Variants in IQCH observed in about 807,000 individuals in gnomAD.
IQCH encodes IQ motif containing H.
Under a neutral mutation model 117.0 loss-of-function variants are expected in IQCH, and 98 were observed. The observed-to-expected ratio is 0.84, with a 90% confidence interval of 0.71 to 0.99. The LOEUF is 0.99. IQCH is among the 50% of genes least tolerant of loss of function. The probability of loss-of-function intolerance (pLI) is 0.00; values close to 1 mark genes in which losing one functional copy is unlikely to be tolerated. For missense variants in IQCH, 1,102 were observed against 1,243.8 expected (o/e 0.89, Z 1.72); for synonymous variants, 412 against 448.2 (o/e 0.92, Z 1.02).
chr15:67,455,872 C>T (rs924837473), intron 16 of IQCH, among the ~76,000 whole-genome samples: 1 of 152,186 alleles, frequency 6.6e-6, no homozygotes, highest in Non-Finnish European at 1.5e-5. Context: ...TATACAATTA[C>T]TAGTCCTAGA....
In IQCH at chr15:67,416,844, T is replaced by C; in HGVS notation, c.2098-87T>C. 1.8e-6 allele frequency: 2 copies of C among 1,135,572 alleles called. No homozygotes were observed. Among genetic ancestry groups the C allele is most frequent in the East Asian group, 6.0e-5 (2 of 33,148 alleles). The allele number at this position is 1,135,572 out of a possible 1,614,324, so 70.3% of individuals were successfully genotyped here. On this transcript the variant is annotated intron_variant, in intron 14 of 20. Coordinates refer to ENST00000335894, the MANE Select transcript of IQCH (RefSeq NM_001031715.3). The surrounding 1 kb of genome is among the most constrained non-coding windows in gnomAD (Gnocchi z 5.1). ...ACAGTAACCACATTTTTTTTGCCTGTTGGAGGCCTGGTTTTTAATCACTCC... is the reference window on the plus strand; with the variant it reads ...ACAGTAACCACATTTTTTTTGCCTGCTGGAGGCCTGGTTTTTAATCACTCC...
intron 14 of IQCH, among the ~76,000 whole-genome samples, chr15:67,409,776 T>C (rs16950906): frequency 0.014 from 2,142 of 152,348 alleles, 59 homozygotes; most frequent in African/African-American, 0.049. Context: ...CAATTTTACA[T>C]ACCAAAAACA....
chr15:67,273,568 TC>T (rs1460869166), intron 3 of IQCH, among the ~76,000 whole-genome samples: 1 of 152,192 alleles, frequency 6.6e-6, no homozygotes, highest in African/African-American at 2.4e-5. Flanking sequence ...TTAAGTCCAT[TC>T]CCCATACATT....
intron 8 of IQCH, chr15:67,371,456 C>T (rs911551863): frequency 1.3e-6 from 2 of 1,545,152 alleles, no homozygotes; most frequent in Non-Finnish European, 1.7e-6. Flanking sequence ...CCTGGGACAG[C>T]CCCAGATATG....
chr15:67,396,365 G>A (rs1971469900), intron 13 of IQCH, among the ~76,000 whole-genome samples: 1 of 151,936 alleles, frequency 6.6e-6, no homozygotes, highest in South Asian at 2.1e-4. Context: ...ACAGCTCCAG[G>A]AATAAAACTG....
At chr15:67,283,319 G>A (rs1016589945) in intron 4 of IQCH, among the ~76,000 whole-genome samples, 12 of 152,152 alleles carry the variant, frequency 7.9e-5, no homozygotes, top group South Asian at 6.2e-4. Flanking sequence ...GTACAAGTAC[G>A]TATGCAGATA....
At position 67,474,842 on chromosome 15, in the gene IQCH, G is replaced by C. The variant is rs1451970206; in HGVS notation, c.2677-854G>C. 6.6e-6 allele frequency among the ~76,000 whole-genome samples: 1 copy of C among 152,206 alleles called. No homozygotes were observed. Among genetic ancestry groups the C allele is most frequent in the Non-Finnish European group, 1.5e-5 (1 of 68,034 alleles). ...TAAAGGTTAACATCATCAGTGATAA[G>C]TCACACTGATACCATCTATCTACCC... On this transcript the variant is annotated intron_variant, in intron 17 of 20. Coordinates refer to ENST00000335894, the MANE Select transcript of IQCH (RefSeq NM_001031715.3). This position sits in a 1 kb window ranked among gnomAD's most constrained non-coding sequence, Gnocchi z 4.1.
At chr15:67,346,738 C>CA (rs1220730442) in intron 6 of IQCH, among the ~76,000 whole-genome samples, 1 of 152,156 alleles carries the variant, frequency 6.6e-6, no homozygotes, top group Non-Finnish European at 1.5e-5. Context: ...CATTAAAACA[C>CA]AACAGAACAT....
chr15:67,340,426 C>CAAAAAAAAAAAAAAAAAAAA lies in IQCH; in HGVS notation c.508+3350_508+3369dup, dbSNP rs57244130. Among the ~76,000 whole-genome samples, 11 of 62,658 alleles carry CAAAAAAAAAAAAAAAAAAAA rather than the reference C, an allele frequency of 1.8e-4. 2 individuals carry two copies. The highest frequency in any genetic ancestry group is 3.9e-4 in the African/African-American group (6 of 15,444). 41.1% of individuals were successfully genotyped at this position (62,658 alleles called of 152,430 possible). On this transcript the variant is annotated intron_variant, in intron 5 of 20. Transcript: ENST00000335894. ...TGGGCAACAGAGAGATACTCCATCT[C>CAAAAAAAAAAAAAAAAAAAA]AAAAAAAAAAAAAAAAAAAAAAAAA...
At chr15:67,428,690 A>T (rs1360146918) in intron 16 of IQCH, among the ~76,000 whole-genome samples, 4 of 152,028 alleles carry the variant, frequency 2.6e-5, no homozygotes, top group Non-Finnish European at 5.9e-5. Flanking sequence ...CTCTACTAAA[A>T]ATACAAAAAT....
chr15:67,459,026 G>A lies in IQCH; in HGVS notation c.2506-6101G>A, dbSNP rs139833663. The stretch of plus-strand genomic sequence containing the variant: ...CTCATAGATACATCTGGAGGCAACA[G>A]AGGGAGGATTCACCCAGACTACTAT... On this transcript the variant is annotated intron_variant, in intron 16 of 20. Transcript: ENST00000335894. The surrounding 1 kb of genome is among the most constrained non-coding windows in gnomAD (Gnocchi z 4.2). Among the ~76,000 whole-genome samples, 4 of 152,342 alleles carry A rather than the reference G, an allele frequency of 2.6e-5. No homozygotes were observed. Among genetic ancestry groups the A allele is most frequent in the Non-Finnish European group, 5.9e-5 (4 of 68,024 alleles).
intron 10 of IQCH, among the ~76,000 whole-genome samples, chr15:67,377,381 CAAA>C (rs955359726): frequency 6.6e-6 from 1 of 151,866 alleles, no homozygotes; most frequent in Admixed American, 6.6e-5. Context: ...ATAATTATAA[CAAA>C]ATAATCTACA....
chr15:67,338,003 C>G (rs1968969767), intron 5 of IQCH, among the ~76,000 whole-genome samples: 2 of 152,192 alleles, frequency 1.3e-5, no homozygotes, highest in Admixed American at 1.3e-4. Context: ...CTTCTCACAA[C>G]TTTCCTGGTT....
intron 4 of IQCH, among the ~76,000 whole-genome samples, chr15:67,296,592 G>A (rs574281654): frequency 2.1e-4 from 32 of 152,252 alleles, no homozygotes; most frequent in African/African-American, 7.7e-4. Flanking sequence ...GGAGGTCTGT[G>A]TAATAATCAG....
At chr15:67,264,324 AC>A (rs1443258137) in intron 3 of IQCH, among the ~76,000 whole-genome samples, 2 of 152,222 alleles carry the variant, frequency 1.3e-5, no homozygotes, top group East Asian at 1.9e-4. Context: ...GTTTAGAACA[AC>A]AAATACTTAC....
intron 3 of IQCH, among the ~76,000 whole-genome samples, chr15:67,271,517 A>G (rs1237682088): frequency 6.6e-6 from 1 of 152,178 alleles, no homozygotes; most frequent in East Asian, 1.9e-4. Context: ...GTTGATAGGT[A>G]GAAATTAGCA....
rs146322936 is a variant in IQCH at position 67,353,978 on chromosome 15, A to G, written c.638-3367A>G. On this transcript the variant is annotated intron_variant, in intron 6 of 20. Transcript: ENST00000335894. ...GTCTTTTAAACACACACACACAGAC[A>G]CACACTCACATACTCTAATATGCCA... Among the ~76,000 whole-genome samples the G allele has an allele frequency of 1.2e-3, 176 of 152,338 alleles. 1 individual carries two copies. The highest frequency in any genetic ancestry group is 6.8e-3 in the Middle Eastern group (2 of 294).
chr15:67,469,167 G>A (rs1380430351), intron 17 of IQCH, among the ~76,000 whole-genome samples: 1 of 151,704 alleles, frequency 6.6e-6, no homozygotes, highest in Non-Finnish European at 1.5e-5. Context: ...GCTAACCTCT[G>A]AAATTCCCAC....
intron 16 of IQCH, among the ~76,000 whole-genome samples, chr15:67,434,880 G>T (rs548038562): frequency 1.3e-5 from 2 of 149,902 alleles, no homozygotes; most frequent in African/African-American, 4.9e-5. Flanking sequence ...AGGGTTTAGC[G>T]ATTCTCCTGC....
Sources: gnomAD v4.1 joint callset for allele counts (sites outside exome capture counted in the v4.1 genomes callset) on GRCh38, gnomAD v4.1.1 for gene constraint, Gnocchi (gnomAD v3.1) non-coding constraint, MANE v1.5 for transcripts, NCBI Gene and HGNC (gene_info 2026-07-23, HGNC 2026-07-21) for gene names.